The following TTC1 variants were observed in gnomAD, a reference collection of about 807,000 sequenced individuals.
The protein encoded by TTC1 is tetratricopeptide repeat domain 1.
TTC1 carries 31 observed loss-of-function variants against 37.6 expected under a neutral mutation model. The observed-to-expected ratio is 0.82, with a 90% confidence interval of 0.62 to 1.11. TTC1 has a LOEUF of 1.11. Ranked by LOEUF, TTC1 falls within the 50% of genes most tolerant of loss-of-function variation. The pLI is 0.00. For missense variants in TTC1, 351 were observed against 339.0 expected, an observed-to-expected ratio of 1.04 and a Z score of -0.28; for synonymous variants, 127 against 122.4, an observed-to-expected ratio of 1.04 and a Z score of -0.25.
chr5:160,061,979 G>A (rs1581130947), intron 7 of TTC1: 1 of 152,318 alleles, frequency 6.6e-6, no homozygotes, highest in Admixed American at 6.5e-5. Context: ...GGGAGCCAGT[G>A]CTGCCCCTCA....
intron 7 of TTC1, among the ~76,000 whole-genome samples, chr5:160,064,319 A>G (rs1753532585): frequency 1.3e-5 from 2 of 152,174 alleles, no homozygotes; most frequent in South Asian, 4.1e-4. Context: ...TGGGAAGAGG[A>G]GGCTGGACTA....
chr5:160,037,474 G>A (rs1757015656), intron 4 of TTC1, among the ~76,000 whole-genome samples: 1 of 152,190 alleles, frequency 6.6e-6, no homozygotes, highest in African/African-American at 2.4e-5. Flanking sequence ...CCAGCACTAT[G>A]GGTGGCCGAG....
chr5:160,043,954 G>GT (rs1228824234), intron 5 of TTC1, among the ~76,000 whole-genome samples: 2 of 152,156 alleles, frequency 1.3e-5, no homozygotes, highest in East Asian at 1.9e-4. Context: ...GGTCACTACA[G>GT]TTTTTTTGTG....
At chr5:160,053,670 T>C (rs939425605) in intron 7 of TTC1, among the ~76,000 whole-genome samples, 1 of 152,238 alleles carries the variant, frequency 6.6e-6, no homozygotes, top group Non-Finnish European at 1.5e-5. Flanking sequence ...TGTGGTTCCA[T>C]ACAAATTTTA....
Position 160,036,751 on chromosome 5 carries a change from A to C in TTC1, c.452A>C (p.Gln151Pro), listed in dbSNP as rs771140486. The C allele has an allele frequency of 9.9e-6, 16 of 1,614,038 alleles. No individual in the cohort carries two copies. The South Asian group carries it at 1.6e-4, about 17-fold the overall frequency. Reference protein sequence around the residue: ...RALEMCPSCFQKERSILFSNR... With the variant: ...RALEMCPSCFPKERSILFSNR... ...CTCGAAATGTGCCCATCCTGCTTCCAAAAGGAGAGGTCGATTCTATTTTCA... is the reference window on the plus strand; with the variant it reads ...CTCGAAATGTGCCCATCCTGCTTCCCAAAGGAGAGGTCGATTCTATTTTCA... Residue 151 changes from glutamine to proline, a missense_variant, in exon 4 of 8, where the codon CAA becomes CCA. Coordinates refer to ENST00000231238, the MANE Select transcript of TTC1 (RefSeq NM_003314.3).
chr5:160,029,073 G>A (rs1034738912), intron 2 of TTC1, among the ~76,000 whole-genome samples: 6 of 152,268 alleles, frequency 3.9e-5, no homozygotes, highest in African/African-American at 1.4e-4. Context: ...TATTTGTATA[G>A]TAATTTTGGA....
rs1387195476 is a variant in TTC1 at position 160,057,207 on chromosome 5, T to C, written c.745+6024T>C. Among the ~76,000 whole-genome samples, 1 of 152,210 alleles carries C rather than the reference T, an allele frequency of 6.6e-6. No homozygotes were observed. Among genetic ancestry groups the C allele is most frequent in the East Asian group, 1.9e-4 (1 of 5,200 alleles). ...CTCTTAGGAGAATAGTTCCCACTTC[T>C]TTGAAAGTTCTTGGTAAGGCTTCTT... On this transcript the variant is annotated intron_variant, in intron 7 of 7. Transcript: ENST00000231238. The surrounding 1 kb of genome is among the most constrained non-coding windows in gnomAD (Gnocchi z 4.4).
At chr5:160,045,520 A>ACACACACACACACTCTCTCT (rs1202139318) in intron 5 of TTC1, among the ~76,000 whole-genome samples, 1 of 54,884 alleles carries the variant, frequency 1.8e-5, no homozygotes, top group Non-Finnish European at 3.3e-5. Flanking sequence ...ACACATACAC[A>ACACACACACACACTCTCTCT]CTCTCTCTCT....
chr5:160,051,830 T>C (rs1288592784), intron 7 of TTC1, among the ~76,000 whole-genome samples: 1 of 152,238 alleles, frequency 6.6e-6, no homozygotes, highest in Non-Finnish European at 1.5e-5. Context: ...ACATGTAACC[T>C]GTCTGATATT....
At chr5:160,017,072 C>G (rs1756619026) in intron 2 of TTC1, among the ~76,000 whole-genome samples, 2 of 152,048 alleles carry the variant, frequency 1.3e-5, no homozygotes, top group Admixed American at 1.3e-4. Flanking sequence ...ATATAACTAC[C>G]CACAGGAATG....
At chr5:160,023,809 ATCATTC>A (rs1756756410) in intron 2 of TTC1, 11 of 1,613,576 alleles carry the variant, frequency 6.8e-6, no homozygotes, top group Non-Finnish European at 9.3e-6. Context: ...TCTTGCCTGT[ATCATTC>A]TCAGAGTCTG....
chr5:160,009,622 G>C (rs963971109), intron 1 of TTC1, among the ~76,000 whole-genome samples: 24 of 149,944 alleles, frequency 1.6e-4, no homozygotes, highest in African/African-American at 5.8e-4. Flanking sequence ...AAATAAACCT[G>C]ATGCCCTTGC....
intron 2 of TTC1, among the ~76,000 whole-genome samples, chr5:160,013,425 GAA>G (rs1278425945): frequency 6.6e-6 from 1 of 151,854 alleles, no homozygotes; most frequent in Non-Finnish European, 1.5e-5. Flanking sequence ...CAAAAAATGT[GAA>G]AAGACTCAGC....
chr5:160,010,902 A>G, intron 2 of TTC1, 44 bp downstream of exon 2: 1 of 1,556,498 alleles, frequency 6.4e-7, no homozygotes, highest in Non-Finnish European at 8.8e-7. Context: ...CTTACACTGC[A>G]TTTTAAAATG....
chr5:160,015,340 G>T (rs1032897243), intron 2 of TTC1, among the ~76,000 whole-genome samples: 1 of 152,088 alleles, frequency 6.6e-6, no homozygotes, highest in African/African-American at 2.4e-5. Context: ...GTCCCAAGTG[G>T]CTGGGACCAC....
intron 2 of TTC1, among the ~76,000 whole-genome samples, chr5:160,030,808 G>A (rs936899973): frequency 1.3e-5 from 2 of 152,084 alleles, no homozygotes; most frequent in African/African-American, 4.8e-5. Context: ...GTTTCCCTGT[G>A]AGGCCTCTCT....
intron 7 of TTC1, among the ~76,000 whole-genome samples, chr5:160,052,648 C>T (rs1208966156): frequency 6.8e-6 from 1 of 147,872 alleles, no homozygotes; most frequent in Admixed American, 6.8e-5. Context: ...ATCTGGAAGG[C>T]ATTGGTCTCT....
Position 160,051,139 on chromosome 5 carries a change from A to C in TTC1, c.701A>C (p.Lys234Thr), listed in dbSNP as rs1186404066. 6.2e-7 allele frequency: 1 copy of C among 1,608,878 alleles called. No individual in the cohort carries two copies. The highest frequency in any genetic ancestry group is 2.2e-5 in the East Asian group (1 of 44,806). The change falls in exon 7 of 8, where the codon AAG (lysine) becomes ACG (threonine). Residue 234 changes from lysine to threonine, a missense_variant. Coordinates refer to ENST00000231238, the MANE Select transcript of TTC1 (RefSeq NM_003314.3). ...TCCTCTTTTCCTCAGAGATTACCTA[A>C]GCAAATTGAAGAACGTAATGAAAGA... ...QAREACMRLP[K>T]QIEERNERLK...
chr5:160,049,777 C>A, intron 6 of TTC1, 115 bp downstream of exon 6: 1 of 1,003,216 alleles, frequency 1.0e-6, no homozygotes. Context: ...TTTTGAGGAG[C>A]TTATCAAGAT....
Sources: gnomAD v4.1 joint callset for allele counts (sites outside exome capture counted in the v4.1 genomes callset) on GRCh38, gnomAD v4.1.1 for gene constraint, Gnocchi (gnomAD v3.1) non-coding constraint, MANE v1.5 for transcripts, NCBI Gene and HGNC (gene_info 2026-07-23, HGNC 2026-07-21) for gene names.